The following PRKN variants were observed in gnomAD, a reference collection of about 807,000 sequenced individuals.
The protein encoded by PRKN is E3 ubiquitin-protein ligase parkin.
Under a neutral mutation model 59.5 loss-of-function variants are expected in PRKN, and 56 were observed. The ratio of observed to expected loss-of-function variants is 0.94; its 90% CI spans 0.76 to 1.18. The LOEUF (loss-of-function observed/expected upper bound fraction) is 1.18. Ranked by LOEUF, PRKN falls within the 50% of genes most tolerant of loss-of-function variation. The pLI is 0.00. For missense variants in PRKN, 657 were observed against 596.4 expected (o/e 1.10, Z -1.06); for synonymous variants, 250 against 222.1 (o/e 1.13, Z -1.12).
At chr6:161,660,306 C>A (rs930577398) in intron 7 of PRKN, among the ~76,000 whole-genome samples, 1 of 152,004 alleles carries the variant, frequency 6.6e-6, no homozygotes, top group African/African-American at 2.4e-5. Context: ...CTCAGATGAG[C>A]CAGATGGTCA....
At chr6:162,148,000 T>A (rs537124714) in intron 4 of PRKN, among the ~76,000 whole-genome samples, 65 of 152,174 alleles carry the variant, frequency 4.3e-4, no homozygotes, top group Non-Finnish European at 8.1e-4. Context: ...AGAGATGTCC[T>A]CAGCCCCAAG....
At chr6:161,406,115 TACACATATATACAC>T (rs1787260724) in intron 9 of PRKN, among the ~76,000 whole-genome samples, 1 of 151,776 alleles carries the variant, frequency 6.6e-6, no homozygotes, top group South Asian at 2.1e-4. Flanking sequence ...CGTATATATA[TACACATATATACAC>T]ACACATATAT....
At chr6:161,394,922 A>G (rs1479621040) in intron 9 of PRKN, among the ~76,000 whole-genome samples, 1 of 152,230 alleles carries the variant, frequency 6.6e-6, no homozygotes, top group Non-Finnish European at 1.5e-5. Flanking sequence ...TTAAAGGGAA[A>G]ATAAACTTAA....
At chr6:162,133,773 G>A (rs969023956) in intron 4 of PRKN, among the ~76,000 whole-genome samples, 8 of 152,052 alleles carry the variant, frequency 5.3e-5, no homozygotes, top group African/African-American at 1.9e-4. Flanking sequence ...TGCATTCGGC[G>A]GACTCTGATG....
intron 3 of PRKN, among the ~76,000 whole-genome samples, chr6:162,205,902 A>G (rs539011032): frequency 2.0e-5 from 3 of 152,308 alleles, no homozygotes; most frequent in African/African-American, 7.2e-5. Flanking sequence ...CAAACTAGAA[A>G]GCACAGAAGA....
At chr6:162,389,156 CT>C (rs1787032375) in intron 2 of PRKN, among the ~76,000 whole-genome samples, 1 of 152,022 alleles carries the variant, frequency 6.6e-6, no homozygotes, top group Admixed American at 6.6e-5. Flanking sequence ...AGTTTGTGTT[CT>C]CCAAATGCCT....
chr6:162,207,655 C>T (rs1785008724), intron 3 of PRKN, among the ~76,000 whole-genome samples: 1 of 152,160 alleles, frequency 6.6e-6, no homozygotes, highest in South Asian at 2.1e-4. Context: ...TTCCTTCCCT[C>T]TCCTTCTGAA....
At chr6:161,915,804 T>C (rs1286529461) in intron 6 of PRKN, among the ~76,000 whole-genome samples, 1 of 152,136 alleles carries the variant, frequency 6.6e-6, no homozygotes, top group Non-Finnish European at 1.5e-5. Flanking sequence ...CAAATAGACA[T>C]AGCATTGCGG....
chr6:162,400,754 G>A (rs1039853744), intron 2 of PRKN, among the ~76,000 whole-genome samples: 2 of 152,120 alleles, frequency 1.3e-5, no homozygotes, highest in Admixed American at 6.6e-5. Flanking sequence ...TCTTAAAACA[G>A]AGGATACATC....
At position 161,754,760 on chromosome 6, in the gene PRKN, T is replaced by C. The variant is rs115043724; in HGVS notation, c.871+31012A>G. On this transcript the variant is annotated intron_variant, in intron 7 of 11. Coordinates refer to ENST00000366898, the MANE Select transcript of PRKN (RefSeq NM_004562.3). The stretch of plus-strand genomic sequence containing the variant: ...ATATCCCTAACATTCACAATATTCC[T>C]CATATCTAGCTCACATACTTTAGAT... 6.5e-3 allele frequency among the ~76,000 whole-genome samples: 991 copies of C among 152,330 alleles called. 11 individuals are homozygous for C. The highest frequency in any genetic ancestry group is 0.023 in the African/African-American group (951 of 41,584).
rs374825597 is a variant in PRKN at position 161,462,393 on chromosome 6, T to G, written c.1084-75516A>C. ...AGGGAGAGGTATTTTAGGAGCTGAT[T>G]TGGTATTCAGTTAATACTGTAGAAC... On this transcript the variant is annotated intron_variant, in intron 9 of 11. Transcript: ENST00000366898. This position sits in a 1 kb window ranked among gnomAD's most constrained non-coding sequence, Gnocchi z 4.5. Among the ~76,000 whole-genome samples, 25 of 152,310 alleles carry G rather than the reference T, an allele frequency of 1.6e-4. 1 individual carries two copies. The highest frequency in any genetic ancestry group is 5.8e-4 in the African/African-American group (24 of 41,564).
chr6:162,638,068 A>G (rs1312821005), intron 1 of PRKN, among the ~76,000 whole-genome samples: 1 of 152,164 alleles, frequency 6.6e-6, no homozygotes, highest in African/African-American at 2.4e-5. Context: ...CATTTTTTAA[A>G]AAAATAAAAG....
intron 2 of PRKN, among the ~76,000 whole-genome samples, chr6:162,419,123 G>A (rs941143333): frequency 1.3e-5 from 2 of 152,042 alleles, no homozygotes; most frequent in Non-Finnish European, 1.5e-5. Flanking sequence ...AATTAACTTC[G>A]ACGTTCGTAT....
chr6:161,481,841 T>C (rs529617170), intron 9 of PRKN, among the ~76,000 whole-genome samples: 1 of 152,104 alleles, frequency 6.6e-6, no homozygotes, highest in East Asian at 1.9e-4. Context: ...CATTTTCTTC[T>C]CTTCATATAA....
At chr6:162,182,431 C>T (rs374835415) in intron 4 of PRKN, among the ~76,000 whole-genome samples, 15 of 152,294 alleles carry the variant, frequency 9.8e-5, no homozygotes, top group East Asian at 7.7e-4. Context: ...TAGTTGCCGT[C>T]AGGCTGAAGC....
At chr6:161,916,181 T>C (rs1338249210) in intron 6 of PRKN, among the ~76,000 whole-genome samples, 4 of 152,208 alleles carry the variant, frequency 2.6e-5, no homozygotes, top group African/African-American at 9.6e-5. Flanking sequence ...AAAAGTAATT[T>C]CCACTTTGGT....
intron 2 of PRKN, among the ~76,000 whole-genome samples, chr6:162,309,793 A>G (rs1213643928): frequency 2.0e-5 from 3 of 152,174 alleles, no homozygotes; most frequent in African/African-American, 7.2e-5. Flanking sequence ...TTTGCTGTAC[A>G]GATTACTTCA....
At chr6:162,605,099 A>G (rs1583891924) in intron 1 of PRKN, among the ~76,000 whole-genome samples, 2 of 152,158 alleles carry the variant, frequency 1.3e-5, no homozygotes, top group East Asian at 3.8e-4. Flanking sequence ...TTATCCTTTT[A>G]TAGGTGATAG....
chr6:162,583,989 G>A (rs13204087), intron 1 of PRKN, among the ~76,000 whole-genome samples: 15,535 of 152,038 alleles, frequency 0.1, 920 homozygotes, highest in Middle Eastern at 0.19. Context: ...TGAGGCGAGC[G>A]GATCACAAGG....
Sources: gnomAD v4.1 joint callset for allele counts (sites outside exome capture counted in the v4.1 genomes callset) on GRCh38, gnomAD v4.1.1 for gene constraint, Gnocchi (gnomAD v3.1) non-coding constraint, MANE v1.5 for transcripts, NCBI Gene and HGNC (gene_info 2026-07-23, HGNC 2026-07-21) for gene names.